KLHL32: variants seen among roughly 807,000 people sequenced by gnomAD.
KLHL32 encodes kelch like family member 32.
In KLHL32, 35 loss-of-function variants were observed where a neutral mutation model predicts 64.8. The ratio of observed to expected loss-of-function variants is 0.54; its 90% confidence interval spans 0.41 to 0.72. KLHL32 has a LOEUF of 0.72. Among genes scored for constraint, KLHL32 ranks in the 30% least tolerant of loss-of-function variants. The pLI is 0.00. For missense variants in KLHL32, 589 were observed against 768.5 expected (o/e 0.77, Z 2.76); for synonymous variants, 259 against 281.0 (o/e 0.92, Z 0.78).
chr6:97,082,171 A>G (rs1424918012), intron 5 of KLHL32, among the ~76,000 whole-genome samples: 2 of 152,206 alleles, frequency 1.3e-5, no homozygotes, highest in Non-Finnish European at 2.9e-5. Flanking sequence ...AGAACAAGAA[A>G]TACTAAAGAG....
At chr6:96,945,805 C>T (rs940635216) in intron 1 of KLHL32, among the ~76,000 whole-genome samples, 3 of 151,952 alleles carry the variant, frequency 2.0e-5, no homozygotes, top group African/African-American at 7.3e-5. Flanking sequence ...TGAACCTGGG[C>T]CCCGTTGGTG....
At chr6:96,908,134 G>T in the KLHL32 span, among the ~76,000 whole-genome samples, 1 of 152,156 alleles carries the variant, frequency 6.6e-6, no homozygotes, top group Non-Finnish European at 1.5e-5. Flanking sequence ...TCACAGGGCA[G>T]CAAAGCTACC....
chr6:97,039,822 AAAAC>A (rs60070457), intron 3 of KLHL32, among the ~76,000 whole-genome samples: 14 of 149,314 alleles, frequency 9.4e-5, no homozygotes, highest in African/African-American at 2.0e-4. Context: ...TCCATCTCAA[AAAAC>A]AAACAAACAA....
chr6:97,055,156 G>C (rs1562285535), intron 4 of KLHL32, among the ~76,000 whole-genome samples: 1 of 152,114 alleles, frequency 6.6e-6, no homozygotes, highest in Non-Finnish European at 1.5e-5. Flanking sequence ...TCTTCTTGAT[G>C]AGTTTCTCAC....
chr6:96,955,664 C>T (rs905712441), intron 1 of KLHL32, among the ~76,000 whole-genome samples: 10 of 152,148 alleles, frequency 6.6e-5, no homozygotes, highest in South Asian at 6.2e-4. Flanking sequence ...AGGCCAGGCA[C>T]GGTGGCTCAT....
At chr6:97,015,472 G>A (rs1242941110) in intron 3 of KLHL32, among the ~76,000 whole-genome samples, 3 of 152,192 alleles carry the variant, frequency 2.0e-5, no homozygotes, top group African/African-American at 7.2e-5. Context: ...AACTTCTTGG[G>A]AACTGGAGCA....
At chr6:97,025,950 C>T (rs569047863) in intron 3 of KLHL32, among the ~76,000 whole-genome samples, 12 of 152,008 alleles carry the variant, frequency 7.9e-5, no homozygotes, top group Non-Finnish European at 1.6e-4. Context: ...ATTATCACAC[C>T]AGAGCTATAG....
intron 5 of KLHL32, among the ~76,000 whole-genome samples, chr6:97,070,837 A>T (rs937889427): frequency 1.3e-5 from 2 of 152,170 alleles, no homozygotes; most frequent in African/African-American, 2.4e-5. Context: ...AATCTCACTG[A>T]GTTCCATTAT....
Position 97,041,533 on chromosome 6 carries a change from G to A in KLHL32, c.246G>A (p.Glu82=), listed in dbSNP as rs144021070. Residue 82 remains glutamate, a synonymous_variant, in exon 4 of 11, where the codon GAG becomes GAA. Transcript: ENST00000369261. The part of the protein sequence containing the change: ...SLCMVESGAD[E]VNLHGVTSLG... ...GTATGGTGGAAAGTGGAGCTGATGA[G>A]GTTAATTTGCACGGTGTGACCAGCC... 254 of 1,613,930 alleles carry A rather than the reference G, an allele frequency of 1.6e-4. No individual in the cohort carries two copies. The African/African-American group carries it at 3.3e-3, about 21-fold the overall frequency.
chr6:97,082,440 C>T (rs150984446), intron 5 of KLHL32, among the ~76,000 whole-genome samples: 3,785 of 152,032 alleles, frequency 0.025, 59 homozygotes, highest in Non-Finnish European at 0.039. Flanking sequence ...GGTGAAACCC[C>T]GTTTCCACTA....
At chr6:97,116,184 C>A in intron 7 of KLHL32, among the ~76,000 whole-genome samples, 1 of 152,338 alleles carries the variant, frequency 6.6e-6, no homozygotes, top group African/African-American at 2.4e-5. Flanking sequence ...GTGGACCCAA[C>A]ATTTACTGGC....
intron 10 of KLHL32, among the ~76,000 whole-genome samples, chr6:97,133,390 C>G (rs1799647560): frequency 6.6e-6 from 1 of 152,176 alleles, no homozygotes; most frequent in Non-Finnish European, 1.5e-5. Context: ...TTCTCTTTTA[C>G]ATGTTCTCTG....
intron 3 of KLHL32, among the ~76,000 whole-genome samples, chr6:96,979,548 G>C (rs895319457): frequency 6.6e-6 from 1 of 152,128 alleles, no homozygotes; most frequent in Non-Finnish European, 1.5e-5. Flanking sequence ...TAGCCTTGTA[G>C]TATAGTTTGA....
chr6:97,051,214 C>G (rs1282643845), intron 4 of KLHL32, among the ~76,000 whole-genome samples: 1 of 152,132 alleles, frequency 6.6e-6, no homozygotes, highest in Non-Finnish European at 1.5e-5. Context: ...GTGGCCCCTT[C>G]TGTGTTTTAA....
chr6:97,061,773 G>A (rs961790616), intron 4 of KLHL32, among the ~76,000 whole-genome samples: 1 of 152,184 alleles, frequency 6.6e-6, no homozygotes, highest in African/African-American at 2.4e-5. Context: ...TTCGAGGCAG[G>A]TGACAGATAA....
intron 1 of KLHL32, among the ~76,000 whole-genome samples, chr6:96,948,856 C>A (rs537146044): frequency 9.2e-5 from 14 of 152,262 alleles, no homozygotes; most frequent in South Asian, 2.1e-4. Context: ...AGAAAACATA[C>A]TCCACTCTCC....
intron 3 of KLHL32, among the ~76,000 whole-genome samples, chr6:96,992,953 C>T (rs1274201216): frequency 6.6e-6 from 1 of 152,224 alleles, no homozygotes; most frequent in African/African-American, 2.4e-5. Context: ...GCATTTCCTT[C>T]AGTCTCATAA....
At chr6:96,953,551 A>G (rs890927821) in intron 1 of KLHL32, among the ~76,000 whole-genome samples, 6 of 151,756 alleles carry the variant, frequency 4.0e-5, no homozygotes, top group Non-Finnish European at 8.8e-5. Context: ...AATTGCTTGA[A>G]CCTGGGAGGT....
At chr6:97,032,900 C>G (rs1014428748) in intron 3 of KLHL32, among the ~76,000 whole-genome samples, 3 of 149,564 alleles carry the variant, frequency 2.0e-5, no homozygotes, top group African/African-American at 7.4e-5. Flanking sequence ...TAAACAAAAT[C>G]TACTTAACTC....
Sources: allele counts gnomAD v4.1 joint callset (sites outside exome capture counted in the v4.1 genomes callset), GRCh38; gene constraint gnomAD v4.1.1; transcripts MANE v1.5; gene names NCBI Gene and HGNC (gene_info 2026-07-23, HGNC 2026-07-21).